Variants in KMT2C observed in about 807,000 individuals in gnomAD.
The protein encoded by KMT2C is lysine methyltransferase 2C.
A neutral mutation model predicts 507.9 loss-of-function variants in KMT2C; 88 were observed. The ratio of observed to expected loss-of-function variants is 0.17; its 90% CI spans 0.15 to 0.21. KMT2C has a LOEUF of 0.21. Among genes scored for constraint, KMT2C ranks in the 10% least tolerant of loss-of-function variants. KMT2C has a pLI of 1.00. For synonymous variants in KMT2C, 2,049 were observed against 2,080.8 expected, an observed-to-expected ratio of 0.98 and a Z score of 0.42; for missense variants, 4,954 against 5,957.8, an observed-to-expected ratio of 0.83 and a Z score of 5.55.
intron 6 of KMT2C, among the ~76,000 whole-genome samples, chr7:152,303,681 T>G (rs1156485300): frequency 6.6e-6 from 1 of 151,738 alleles, no homozygotes; most frequent in Non-Finnish European, 1.5e-5. Context: ...CTGCAGATGT[T>G]AAGTTACATA....
chr7:152,293,845 T>C (rs550064985), intron 6 of KMT2C, among the ~76,000 whole-genome samples: 1 of 152,264 alleles, frequency 6.6e-6, no homozygotes, highest in South Asian at 2.1e-4. Flanking sequence ...GAAATAAACA[T>C]ATTCATTCAT....
intron 2 of KMT2C, among the ~76,000 whole-genome samples, chr7:152,349,379 G>C (rs1371095427): frequency 6.6e-6 from 1 of 151,210 alleles, no homozygotes; most frequent in East Asian, 1.9e-4. Context: ...GGGAGGCGGA[G>C]ACTGCAGTGG....
chr7:152,330,502 T>C, intron 3 of KMT2C, 99 bp downstream of exon 3: 1 of 1,208,638 alleles, frequency 8.3e-7, no homozygotes, highest in South Asian at 1.3e-5. Flanking sequence ...CCCACCCAGA[T>C]TTTCATCCTA....
intron 40 of KMT2C, 66 bp from the exon 41 acceptor site, chr7:152,169,315 AAAAG>A (rs1471725830): frequency 1.7e-5 from 14 of 847,252 alleles, no homozygotes; most frequent in East Asian, 1.2e-4. Context: ...AAAAAACTTT[AAAAG>A]AAAGAAAGAA....
chr7:152,273,150 A>G (rs931077818), intron 7 of KMT2C, among the ~76,000 whole-genome samples: 11 of 152,222 alleles, frequency 7.2e-5, no homozygotes, highest in African/African-American at 2.2e-4. Flanking sequence ...ATTATAAAAT[A>G]CTATTTGGAA....
intron 58 of KMT2C, 36 bp from the exon 59 acceptor site, chr7:152,136,960 G>A (rs760061529): frequency 2.0e-6 from 3 of 1,490,216 alleles, no homozygotes; most frequent in Non-Finnish European, 2.8e-6. Flanking sequence ...AGAAAGGACA[G>A]CAAGGAAGGC....
At chr7:152,394,661 C>T (rs1348746925) in intron 1 of KMT2C, among the ~76,000 whole-genome samples, 1 of 152,126 alleles carries the variant, frequency 6.6e-6, no homozygotes, top group African/African-American at 2.4e-5. Flanking sequence ...ATAAATTCTA[C>T]CTATTTGTTT....
At chr7:152,379,160 T>C (rs2097351058) in intron 1 of KMT2C, among the ~76,000 whole-genome samples, 1 of 152,166 alleles carries the variant, frequency 6.6e-6, no homozygotes, top group African/African-American at 2.4e-5. Flanking sequence ...AAATTATTAT[T>C]ATTTTTTTAA....
At chr7:152,397,055 T>G (rs144083234) in intron 1 of KMT2C, among the ~76,000 whole-genome samples, 211 of 152,336 alleles carry the variant, frequency 1.4e-3, no homozygotes, top group African/African-American at 4.6e-3. Flanking sequence ...GTTTCTCCAC[T>G]AAGATCAATC....
At chr7:152,423,901 T>C (rs991236873) in intron 1 of KMT2C, among the ~76,000 whole-genome samples, 2 of 152,196 alleles carry the variant, frequency 1.3e-5, no homozygotes, top group Non-Finnish European at 1.5e-5. Context: ...TATTCATAAT[T>C]GTTTTATCTT....
intron 9 of KMT2C, among the ~76,000 whole-genome samples, chr7:152,262,208 C>T (rs2095793038): frequency 6.6e-6 from 1 of 152,172 alleles, no homozygotes; most frequent in Non-Finnish European, 1.5e-5. Context: ...CCTCCACCTC[C>T]TCACTAGAAA....
At chr7:152,358,714 A>C in intron 1 of KMT2C, 39 bp from the exon 2 acceptor site, 1 of 1,326,250 alleles carries the variant, frequency 7.5e-7, no homozygotes, top group Non-Finnish European at 1.1e-6. Flanking sequence ...CATAGAGTTA[A>C]ATGTTAAATT....
intron 40 of KMT2C, among the ~76,000 whole-genome samples, chr7:152,170,765 T>C (rs2092928818): frequency 6.6e-6 from 1 of 152,200 alleles, no homozygotes; most frequent in Non-Finnish European, 1.5e-5. Context: ...CCTCCCAAAG[T>C]GCTGGGATTA....
chr7:152,416,876 C>T (rs1321035488), intron 1 of KMT2C, among the ~76,000 whole-genome samples: 1 of 149,758 alleles, frequency 6.7e-6, no homozygotes, highest in African/African-American at 2.5e-5. Context: ...CATGGTAAAC[C>T]TTGTCTCTAC....
At position 152,326,390 on chromosome 7, in the gene KMT2C, A is replaced by AT. The variant is rs1357828011; in HGVS notation, c.389+4210dup. On this transcript the variant is annotated intron_variant, in intron 3 of 58. Coordinates refer to ENST00000262189, the MANE Select transcript of KMT2C (RefSeq NM_170606.3). ...ATAATTTTCTCTATAAAAGTCTTAC[A>AT]TTTTTGCACATAATCCTAGTCACAT... Among the ~76,000 whole-genome samples, 3 of 152,096 alleles carry AT rather than the reference A, an allele frequency of 2.0e-5. No individual in the cohort carries two copies. The East Asian group carries it at 5.8e-4, about 29-fold the overall frequency.
intron 1 of KMT2C, among the ~76,000 whole-genome samples, chr7:152,410,430 T>C (rs896780073): frequency 7.5e-6 from 1 of 133,062 alleles, no homozygotes; most frequent in African/African-American, 2.9e-5. Flanking sequence ...AAAAAAAAAT[T>C]AGCCAGGTGT....
intron 2 of KMT2C, among the ~76,000 whole-genome samples, chr7:152,339,512 C>T (rs1414594636): frequency 6.6e-6 from 1 of 152,172 alleles, no homozygotes; most frequent in Non-Finnish European, 1.5e-5. Flanking sequence ...TATAAGATTA[C>T]AAGTTTGGCT....
Position 152,252,698 on chromosome 7 carries a change from T to C in KMT2C, c.1317A>G (p.Ile439Met). 6.2e-7 allele frequency: 1 copy of C among 1,604,458 alleles called. No individual in the cohort carries two copies. Among genetic ancestry groups the C allele is most frequent in the Non-Finnish European group, 8.5e-7 (1 of 1,174,410 alleles). Residue 439 changes from isoleucine to methionine, a missense_variant, in exon 10 of 59, where the codon ATA becomes ATG. Physicochemically the swap from Ile to Met is conservative, Grantham distance 10. This residue lies in a region of KMT2C where 376 missense variants were observed against 352.4 expected (regional missense o/e 1.07). Transcript: ENST00000262189. Reference protein sequence around the residue: ...GWKCKNCRICIECGTRSSSQW... With the variant: ...GWKCKNCRICMECGTRSSSQW... ...GAGAACTAGACCGTGTGCCACACTC[T>C]ATACATATTCTGCAATTCTAAACAC...
chr7:152,428,356 T>C (rs1386835539), intron 1 of KMT2C, among the ~76,000 whole-genome samples: 1 of 150,442 alleles, frequency 6.6e-6, no homozygotes, highest in East Asian at 2.0e-4. Context: ...CTCATGCCTG[T>C]AATCCCATCA....
Sources: allele counts gnomAD v4.1 joint callset (sites outside exome capture counted in the v4.1 genomes callset), GRCh38; gene constraint gnomAD v4.1.1; regional missense constraint gnomAD v4.1.1; transcripts MANE v1.5; gene names NCBI Gene and HGNC (gene_info 2026-07-23, HGNC 2026-07-21).